Variants in METTL2A observed in about 807,000 individuals in gnomAD.
METTL2A encodes the protein tRNA N(3)-cytidine methyltransferase METTL2A.
In METTL2A, 45 loss-of-function variants were observed where a neutral mutation model predicts 49.4. The observed-to-expected ratio is 0.91, with a 90% confidence interval of 0.72 to 1.17. The LOEUF (loss-of-function observed/expected upper bound fraction) is 1.17. Among genes scored for constraint, METTL2A ranks in the 50% most tolerant of loss-of-function variants. The pLI is 0.00. For missense variants in METTL2A, 361 were observed against 462.2 expected (o/e 0.78, Z 2.01); for synonymous variants, 118 against 167.5 (o/e 0.70, Z 2.28).
intron 5 of METTL2A, among the ~76,000 whole-genome samples, chr17:62,438,973 A>ATTTTT (rs1167283450): frequency 0.011 from 1,051 of 93,480 alleles, 60 homozygotes; most frequent in East Asian, 0.049. Context: ...CACTTGGCTA[A>ATTTTT]TTTTTTTTTT....
At chr17:62,447,352 A>G (rs1339501432) in intron 7 of METTL2A, among the ~76,000 whole-genome samples, 2 of 152,164 alleles carry the variant, frequency 1.3e-5, no homozygotes, top group Admixed American at 6.5e-5. Flanking sequence ...CCTGGGAGGC[A>G]GAGGTTGCAG....
intron 6 of METTL2A, among the ~76,000 whole-genome samples, chr17:62,444,551 A>G (rs575564357): frequency 6.6e-6 from 1 of 152,330 alleles, no homozygotes; most frequent in Admixed American, 6.5e-5. Flanking sequence ...AAGTGCTGGT[A>G]TTACAAGCAT....
chr17:62,445,295 A>T (rs1054928823), intron 7 of METTL2A, among the ~76,000 whole-genome samples: 17 of 141,472 alleles, frequency 1.2e-4, no homozygotes, highest in South Asian at 4.4e-4. Context: ...AAGTATAATT[A>T]AAAAAAAAAA....
intron 5 of METTL2A, among the ~76,000 whole-genome samples, chr17:62,439,614 T>C (rs1050581783): frequency 9.3e-5 from 14 of 149,824 alleles, no homozygotes; most frequent in African/African-American, 3.0e-4. Context: ...TTTGTATTTT[T>C]AGTGGAGACG....
chr17:62,446,286 A>C (rs1414707092), intron 7 of METTL2A, among the ~76,000 whole-genome samples: 1 of 150,364 alleles, frequency 6.7e-6, no homozygotes, highest in Non-Finnish European at 1.5e-5. Context: ...CTGGGATTAC[A>C]GGTGTGAGCC....
rs151130538 is a variant in METTL2A, at chr17:62,452,300, C to T, written c.*3571C>T. The stretch of plus-strand genomic sequence containing the variant: ...GTTCCTCCCATAGGATCGTATCAGG[C>T]GACACATGATTATGAATTTCCCCAT... On this transcript the variant is annotated 3_prime_UTR_variant, in exon 9 of 9. Transcript: ENST00000311506. Among the ~76,000 whole-genome samples, 554 of 152,176 alleles carry T rather than the reference C, an allele frequency of 3.6e-3. 4 individuals are homozygous for T. Among genetic ancestry groups the T allele is most frequent in the African/African-American group, 0.013 (529 of 41,536 alleles).
intron 4 of METTL2A, among the ~76,000 whole-genome samples, chr17:62,431,358 C>CT (rs1051875246): frequency 5.2e-4 from 76 of 145,000 alleles, no homozygotes; most frequent in African/African-American, 7.1e-4. Context: ...TGCCTGGATC[C>CT]TTTTTTTTTT....
At chr17:62,425,172 T>C (rs1192262131) in intron 2 of METTL2A, among the ~76,000 whole-genome samples, 8 of 151,610 alleles carry the variant, frequency 5.3e-5, no homozygotes, top group Non-Finnish European at 1.2e-4. Context: ...AAATCCTGTT[T>C]CTTAGGGAGT....
intron 5 of METTL2A, among the ~76,000 whole-genome samples, chr17:62,437,140 T>TC (rs1161051481): frequency 4.0e-5 from 6 of 149,624 alleles, no homozygotes; most frequent in African/African-American, 1.5e-4. Context: ...TCACTTTTTT[T>TC]TTTTTTTTTT....
chr17:62,448,786 A>G lies in METTL2A; in HGVS notation c.*57A>G. The G allele has an allele frequency of 6.2e-7, 1 of 1,602,120 alleles. No individual in the cohort carries two copies. Among genetic ancestry groups the G allele is most frequent in the African/African-American group, 1.3e-5 (1 of 74,514 alleles). On this transcript the variant is annotated 3_prime_UTR_variant, in exon 9 of 9. Transcript: ENST00000311506. The stretch of plus-strand genomic sequence containing the variant: ...ATTGTGTTTCCGGGCTTTTTTAAAA[A>G]AAAAATTGTAGCACTGGGCGTGGTG...
chr17:62,444,654 C>G (rs1284178130), intron 6 of METTL2A, among the ~76,000 whole-genome samples, 183 bp from the exon 7 acceptor site: 2 of 152,130 alleles, frequency 1.3e-5, no homozygotes, highest in Admixed American at 1.3e-4. Context: ...TGGATCGAGG[C>G]CACAGCTGTG....
rs1179330267 is a variant in METTL2A, at chr17:62,449,487, G to A, written c.*758G>A. The A allele has an allele frequency of 2.8e-5, 12 of 427,768 alleles. No homozygotes were observed. The East Asian group carries it at 9.3e-4, about 33-fold the overall frequency. 26.5% of individuals were successfully genotyped at this position (427,768 alleles called of 1,614,324 possible). The stretch of plus-strand genomic sequence containing the variant: ...GCACTTTGGGAGGCCAAGGCGGGCG[G>A]ATCAGCTGAGGTCAGGAGTTGGAGA... On this transcript the variant is annotated 3_prime_UTR_variant, in exon 9 of 9. Transcript: ENST00000311506.
chr17:62,437,085 A>C (rs1360138684), intron 5 of METTL2A, among the ~76,000 whole-genome samples: 1 of 152,026 alleles, frequency 6.6e-6, no homozygotes. Context: ...AGACTAAAAA[A>C]CAAGCAGCAA....
chr17:62,444,405 G>T (rs1450594039), intron 6 of METTL2A, among the ~76,000 whole-genome samples: 1 of 152,150 alleles, frequency 6.6e-6, no homozygotes, highest in Non-Finnish European at 1.5e-5. Context: ...TCAGCCTCCT[G>T]AGTGTCTGGG....
At chr17:62,440,814 T>A in intron 6 of METTL2A, 58 bp downstream of exon 6, 1 of 1,465,724 alleles carries the variant, frequency 6.8e-7, no homozygotes, top group South Asian at 1.3e-5. Flanking sequence ...GTGAGGGACC[T>A]TTTTTTTTAA....
intron 4 of METTL2A, among the ~76,000 whole-genome samples, chr17:62,432,201 G>A (rs1187080328): frequency 1.3e-5 from 2 of 152,204 alleles, no homozygotes; most frequent in Admixed American, 6.5e-5. Context: ...AATCTATATA[G>A]CTTTATCTTG....
intron 4 of METTL2A, among the ~76,000 whole-genome samples, chr17:62,428,740 C>G (rs2543413): frequency 1.3e-5 from 2 of 152,204 alleles, no homozygotes; most frequent in African/African-American, 4.8e-5. Flanking sequence ...AGTGCAGTGT[C>G]CTCCTAGCAC....
At chr17:62,433,468 G>A (rs921647214) in intron 4 of METTL2A, among the ~76,000 whole-genome samples, 2 of 151,302 alleles carry the variant, frequency 1.3e-5, no homozygotes, top group East Asian at 3.9e-4. Flanking sequence ...GGCCAGGCAC[G>A]GTGGCTCATG....
chr17:62,449,437 A>C lies in METTL2A; in HGVS notation c.*708A>C. 2.2e-6 allele frequency: 1 copy of C among 450,994 alleles called. No homozygotes were observed. Among genetic ancestry groups the C allele is most frequent in the East Asian group, 7.2e-5 (1 of 13,876 alleles). The allele number at this position is 450,994 out of a possible 1,614,324, so 27.9% of individuals were successfully genotyped here. A position where few individuals can be genotyped will look rare whatever the true frequency, so the allele number is the denominator to read the frequency against. ...CGCTTTAATCTTAGTTCCGCCAGGC[A>C]CGGTGGCTCACACCTGTAATCCCAG... is the stretch of plus-strand genomic sequence containing the variant. On this transcript the variant is annotated 3_prime_UTR_variant, in exon 9 of 9. Coordinates refer to ENST00000311506, the MANE Select transcript of METTL2A (RefSeq NM_181725.4).
Sources: allele counts gnomAD v4.1 joint callset (sites outside exome capture counted in the v4.1 genomes callset), GRCh38; gene constraint gnomAD v4.1.1; transcripts MANE v1.5; gene names NCBI Gene and HGNC (gene_info 2026-07-23, HGNC 2026-07-21).